The following PRKG1 variants were observed in gnomAD, a reference collection of about 807,000 sequenced individuals.
The protein encoded by PRKG1 is protein kinase cGMP-dependent 1.
A neutral mutation model predicts 88.1 loss-of-function variants in PRKG1; 35 were observed. The ratio of observed to expected loss-of-function variants is 0.40; its 90% CI spans 0.30 to 0.53. The LOEUF (loss-of-function observed/expected upper bound fraction) is 0.53. Among genes scored for constraint, PRKG1 ranks in the 20% least tolerant of loss-of-function variants. PRKG1 has a pLI of 0.59. For missense variants in PRKG1, 540 were observed against 839.8 expected, an observed-to-expected ratio of 0.64 and a Z score of 4.41; for synonymous variants, 303 against 292.5, an observed-to-expected ratio of 1.04 and a Z score of -0.37.
intron 5 of PRKG1, among the ~76,000 whole-genome samples, chr10:52,035,479 G>A (rs1845584010): frequency 6.6e-6 from 1 of 152,204 alleles, no homozygotes; most frequent in Non-Finnish European, 1.5e-5. Context: ...GCCTTTGCTG[G>A]TGTGTGGTGA....
intron 2 of PRKG1, among the ~76,000 whole-genome samples, chr10:51,273,035 A>G (rs1840022117): frequency 6.6e-6 from 1 of 152,202 alleles, no homozygotes; most frequent in Admixed American, 6.5e-5. Flanking sequence ...TTTTCCATTG[A>G]CAGACATAAA....
chr10:51,175,438 A>G (rs1041891575), intron 2 of PRKG1, among the ~76,000 whole-genome samples: 1 of 152,042 alleles, frequency 6.6e-6, no homozygotes, highest in African/African-American at 2.4e-5. Flanking sequence ...ATTTATTTCT[A>G]TCAAACATAA....
chr10:51,844,710 G>C (rs1461182295), intron 4 of PRKG1, among the ~76,000 whole-genome samples: 2 of 152,098 alleles, frequency 1.3e-5, no homozygotes, highest in Non-Finnish European at 2.9e-5. Flanking sequence ...AATTCTGAAG[G>C]AATGTCAGGG....
intron 2 of PRKG1, among the ~76,000 whole-genome samples, chr10:51,459,099 C>A (rs293284): frequency 0.033 from 5,005 of 152,152 alleles, 282 homozygotes; most frequent in African/African-American, 0.11. Flanking sequence ...CACAATTACT[C>A]CAAATCTCCT....
chr10:51,371,848 T>C (rs1227918654), intron 2 of PRKG1, among the ~76,000 whole-genome samples: 1 of 152,172 alleles, frequency 6.6e-6, no homozygotes, highest in Non-Finnish European at 1.5e-5. Context: ...TGATTGACTC[T>C]GGTACCAAGT....
intron 3 of PRKG1, among the ~76,000 whole-genome samples, chr10:51,700,564 T>C (rs902354978): frequency 2.6e-5 from 4 of 152,112 alleles, no homozygotes; most frequent in East Asian, 3.9e-4. Context: ...TTAAAACATA[T>C]TCAGTGTGGT....
At chr10:52,199,784 C>T (rs1839611423) in intron 9 of PRKG1, among the ~76,000 whole-genome samples, 1 of 152,116 alleles carries the variant, frequency 6.6e-6, no homozygotes, top group Non-Finnish European at 1.5e-5. Context: ...GGATGCAGAC[C>T]TTGGGAAGCA....
intron 1 of PRKG1, among the ~76,000 whole-genome samples, chr10:51,001,239 C>T (rs573173703): frequency 3.3e-5 from 5 of 152,298 alleles, no homozygotes; most frequent in South Asian, 2.1e-4. Flanking sequence ...GGGGAGCTCT[C>T]ACTTCCCGTA....
chr10:51,478,452 C>T (rs1253872964), intron 3 of PRKG1, among the ~76,000 whole-genome samples: 1 of 151,974 alleles, frequency 6.6e-6, no homozygotes, highest in Non-Finnish European at 1.5e-5. Flanking sequence ...CTTGATGATT[C>T]AAACTACTTC....
chr10:51,433,472 T>A (rs922384520), intron 2 of PRKG1, among the ~76,000 whole-genome samples: 1 of 152,092 alleles, frequency 6.6e-6, no homozygotes, highest in Non-Finnish European at 1.5e-5. Flanking sequence ...AAGTCCAATA[T>A]ATGGCTGGCA....
intron 3 of PRKG1, among the ~76,000 whole-genome samples, chr10:51,604,961 C>A (rs140245197): frequency 6.6e-6 from 1 of 152,160 alleles, no homozygotes; most frequent in Non-Finnish European, 1.5e-5. Context: ...AAGAATCAGA[C>A]CACATATGGG....
At chr10:51,549,141 T>TTTTTTTTTTTTTTTTTTTTTTTTTTG (rs1554820705) in intron 3 of PRKG1, among the ~76,000 whole-genome samples, 1 of 137,974 alleles carries the variant, frequency 7.2e-6, no homozygotes, top group Non-Finnish European at 1.5e-5. Flanking sequence ...TTTTTTTTTT[T>TTTTTTTTTTTTTTTTTTTTTTTTTTG]GAGACAGAGT....
chr10:51,983,761 G>A (rs59077817), intron 5 of PRKG1, among the ~76,000 whole-genome samples: 3,013 of 152,280 alleles, frequency 0.02, 93 homozygotes, highest in African/African-American at 0.069. Flanking sequence ...TGGTGGTTAA[G>A]GGGTATCCTG....
intron 6 of PRKG1, among the ~76,000 whole-genome samples, chr10:52,060,444 A>T (rs749288269): frequency 2.6e-5 from 4 of 151,904 alleles, no homozygotes; most frequent in Non-Finnish European, 5.9e-5. Context: ...CATAAAGATG[A>T]TTTAGACAAA....
chr10:52,240,004 C>T (rs1209856872), intron 9 of PRKG1, among the ~76,000 whole-genome samples: 1 of 152,054 alleles, frequency 6.6e-6, no homozygotes, highest in Non-Finnish European at 1.5e-5. Flanking sequence ...TGTGCAGAAA[C>T]CTTAGCAATG....
intron 9 of PRKG1, among the ~76,000 whole-genome samples, chr10:52,178,586 G>A (rs901290081): frequency 7.9e-5 from 12 of 151,812 alleles, no homozygotes; most frequent in South Asian, 4.2e-4. Flanking sequence ...GTTCAACACC[G>A]ACAGTGGGAT....
At chr10:52,291,914 G>A (rs1372007428) in intron 17 of PRKG1, among the ~76,000 whole-genome samples, 3 of 152,076 alleles carry the variant, frequency 2.0e-5, no homozygotes, top group Non-Finnish European at 4.4e-5. Flanking sequence ...TCCAGCACCT[G>A]TTGTTTCCTG....
chr10:51,959,170 A>G (rs1843385380), intron 5 of PRKG1, among the ~76,000 whole-genome samples: 1 of 152,204 alleles, frequency 6.6e-6, no homozygotes, highest in Non-Finnish European at 1.5e-5. Context: ...AAGATGAATG[A>G]CAGGCTCTTC....
intron 2 of PRKG1, among the ~76,000 whole-genome samples, chr10:51,199,651 G>A (rs1225188649): frequency 6.6e-6 from 1 of 152,194 alleles, no homozygotes; most frequent in Non-Finnish European, 1.5e-5. Flanking sequence ...AGAGGAAGTT[G>A]AAAGTGAGGT....
Sources: allele counts gnomAD v4.1 joint callset (sites outside exome capture counted in the v4.1 genomes callset), GRCh38; gene constraint gnomAD v4.1.1; transcripts MANE v1.5; gene names NCBI Gene and HGNC (gene_info 2026-07-23, HGNC 2026-07-21).